The following CECR2 variants were observed in gnomAD, a reference collection of about 807,000 sequenced individuals.
CECR2 encodes the protein chromatin remodeling regulator CECR2.
A neutral mutation model predicts 154.5 loss-of-function variants in CECR2; 30 were observed. That is an observed-to-expected ratio of 0.19 (90% CI 0.15 to 0.26). The LOEUF (loss-of-function observed/expected upper bound fraction) is 0.26, where lower values mean the gene tolerates loss of function less well. CECR2 is among the 10% of genes least tolerant of loss of function. CECR2 has a pLI of 1.00. For missense variants in CECR2, 1,743 were observed against 1,829.3 expected (o/e 0.95, Z 0.86); for synonymous variants, 725 against 683.7 (o/e 1.06, Z -0.94).
intron 2 of CECR2, among the ~76,000 whole-genome samples, chr22:17,482,359 G>A (rs994021367): frequency 6.6e-6 from 1 of 152,088 alleles, no homozygotes; most frequent in African/African-American, 2.4e-5. Context: ...AGGAGGCAGA[G>A]CTTGCAGTGA....
intron 13 of CECR2, among the ~76,000 whole-genome samples, 193 bp from the exon 14 acceptor site, chr22:17,540,219 G>A (rs1018462178): frequency 4.6e-5 from 7 of 151,230 alleles, no homozygotes; most frequent in Admixed American, 3.4e-4. Flanking sequence ...TCTTCATCTT[G>A]CATCCATAGC....
chr22:17,525,536 G>A (rs1264003089), intron 9 of CECR2, among the ~76,000 whole-genome samples: 3 of 152,046 alleles, frequency 2.0e-5, no homozygotes, highest in Admixed American at 6.6e-5. Context: ...AACCCCGGAG[G>A]TGGAAGTTGC....
At chr22:17,483,424 G>A (rs1451372771) in intron 2 of CECR2, among the ~76,000 whole-genome samples, 1 of 151,826 alleles carries the variant, frequency 6.6e-6, no homozygotes, top group Non-Finnish European at 1.5e-5. Context: ...TGAATTAGCT[G>A]GGCAATATAG....
In CECR2 at chr22:17,548,982, C is replaced by G. The variant is rs199780601; in HGVS notation, c.3695C>G (p.Pro1232Arg). The G allele has an allele frequency of 1.2e-3, 1,903 of 1,614,002 alleles. 7 individuals carry two copies. The highest frequency in any genetic ancestry group is 1.1e-3 in the South Asian group (97 of 91,084). Residue 1232 changes from proline (P) to arginine (R), a missense_variant, in exon 17 of 19, where the codon CCA (proline) becomes CGA (arginine). By Grantham distance (103) the Pro-to-Arg change is moderately radical. Coordinates refer to ENST00000262608, the MANE Select transcript of CECR2 (RefSeq NM_001290047.2). ...GGACCCCCAGCCAGTCAGCCTCCCC[C>G]ACCAAGGTCCCTCTTCTCAGATAAG... ...PSGPPASQPP[P>R]PRSLFSDKNA... is the part of the protein sequence containing the mutation.
At chr22:17,405,559 G>A (rs896310421) in intron 1 of CECR2, among the ~76,000 whole-genome samples, 2 of 146,094 alleles carry the variant, frequency 1.4e-5, no homozygotes, top group Non-Finnish European at 3.0e-5. Flanking sequence ...AGAATCGCTT[G>A]AACCTAGGAG....
intron 8 of CECR2, among the ~76,000 whole-genome samples, chr22:17,517,943 C>T (rs2056087761): frequency 1.3e-5 from 2 of 152,200 alleles, no homozygotes; most frequent in Non-Finnish European, 2.9e-5. Context: ...TTCACTCAGT[C>T]ACTGTTGCAG....
Position 17,524,220 on chromosome 22 carries a change from C to G in CECR2, c.1057C>G (p.Leu353Val), listed in dbSNP as rs771704119. Reference protein sequence around the residue: ...AVQKKEQEQMLKEERKRELEE... With the variant: ...AVQKKEQEQMVKEERKRELEE... ...GCAGAAGAAGGAGCAGGAGCAGATG[C>G]TAAAGGAAGAGAGGAAACGCGAGTT... is the stretch of plus-strand genomic sequence containing the variant. The change falls in exon 9 of 19, where the codon CTA (leucine) becomes GTA (valine). Residue 353 changes from leucine (L) to valine (V), a missense_variant. Around this residue, in one of 4 missense-constraint regions of CECR2, gnomAD observed 292 missense variants for 301.2 expected, o/e 0.97. Transcript: ENST00000262608. The G allele has an allele frequency of 9.9e-6, 16 of 1,609,674 alleles. No individual in the cohort carries two copies. The highest frequency in any genetic ancestry group is 1.4e-5 in the Non-Finnish European group (16 of 1,178,308).
chr22:17,500,821 C>A (rs1158620363), intron 5 of CECR2, 86 bp downstream of exon 5: 2 of 950,128 alleles, frequency 2.1e-6, no homozygotes, highest in Non-Finnish European at 1.6e-6. Context: ...TTTGCCTGTG[C>A]CATGGGAAGC....
At chr22:17,480,432 AC>A (rs2055288074) in intron 2 of CECR2, among the ~76,000 whole-genome samples, 1 of 141,444 alleles carries the variant, frequency 7.1e-6, no homozygotes, top group Non-Finnish European at 1.6e-5. Context: ...ACACACACAC[AC>A]ACACACACAC....
At chr22:17,502,292 C>CAA (rs1244614934) in intron 5 of CECR2, among the ~76,000 whole-genome samples, 2 of 152,172 alleles carry the variant, frequency 1.3e-5, no homozygotes, top group African/African-American at 4.8e-5. Context: ...TGCTCTTAAC[C>CAA]CTCTGCCTTA....
intron 1 of CECR2, among the ~76,000 whole-genome samples, chr22:17,473,195 C>T (rs2055156552): frequency 6.6e-6 from 1 of 152,170 alleles, no homozygotes; most frequent in South Asian, 2.1e-4. Context: ...AACTGGTCTC[C>T]CTGCCCTATG....
At chr22:17,462,837 G>A (rs1334295668) in intron 1 of CECR2, among the ~76,000 whole-genome samples, 1 of 152,066 alleles carries the variant, frequency 6.6e-6, no homozygotes, top group African/African-American at 2.4e-5. Flanking sequence ...GCTTGAACCT[G>A]GGAGGTGGAG....
chr22:17,414,456 C>CTTT (rs1189863394), intron 1 of CECR2, among the ~76,000 whole-genome samples: 2 of 118,140 alleles, frequency 1.7e-5, no homozygotes, highest in Admixed American at 8.3e-5. Context: ...TTTCTTTTTT[C>CTTT]TTTTTTTTTT....
chr22:17,449,970 G>A (rs995834365), intron 1 of CECR2, among the ~76,000 whole-genome samples: 2 of 152,188 alleles, frequency 1.3e-5, no homozygotes, highest in African/African-American at 4.8e-5. Flanking sequence ...GGTTCCTTGA[G>A]GACAAGGATC....
intron 1 of CECR2, among the ~76,000 whole-genome samples, chr22:17,415,039 G>GT (rs1264518374): frequency 6.6e-5 from 10 of 152,180 alleles, no homozygotes; most frequent in African/African-American, 2.4e-4. Context: ...GGGCATAGGA[G>GT]TATGTGTAAG....
At position 17,542,489 on chromosome 22, in the gene CECR2, C is replaced by T; in HGVS notation, c.2346C>T (p.Asn782=). ...GGAATGGGAACCATGGTGCTACGAA[C>T]CAAGGACCCTTGGGCCCAGATGAGA... ...AVWNGNHGAT[N]QGPLGPDEKP... is the part of the protein sequence containing the mutation. The change falls in exon 16 of 19, where the codon AAC becomes AAT. Residue 782 remains asparagine, a synonymous_variant. Coordinates refer to ENST00000262608, the MANE Select transcript of CECR2 (RefSeq NM_001290047.2). 1 of 1,613,984 alleles carries T rather than the reference C, an allele frequency of 6.2e-7. No individual in the cohort carries two copies. Among genetic ancestry groups the T allele is most frequent in the Non-Finnish European group, 8.5e-7 (1 of 1,179,872 alleles).
intron 8 of CECR2, among the ~76,000 whole-genome samples, chr22:17,512,157 T>C (rs1375172395): frequency 3.9e-5 from 6 of 152,038 alleles, no homozygotes; most frequent in Non-Finnish European, 8.8e-5. Flanking sequence ...AATAGGTGCA[T>C]GTATAGGAGC....
chr22:17,403,203 C>G (rs1465708449), intron 1 of CECR2, among the ~76,000 whole-genome samples: 1 of 152,178 alleles, frequency 6.6e-6, no homozygotes, highest in Admixed American at 6.5e-5. Context: ...CAAATTATTT[C>G]AAGCTTTGGC....
At chr22:17,414,555 G>T (rs1055688859) in intron 1 of CECR2, among the ~76,000 whole-genome samples, 1 of 139,628 alleles carries the variant, frequency 7.2e-6, no homozygotes, top group Non-Finnish European at 1.5e-5. Context: ...TAGGGTACAT[G>T]TGCACAACGT....
Sources: allele counts gnomAD v4.1 joint callset (sites outside exome capture counted in the v4.1 genomes callset), GRCh38; gene constraint gnomAD v4.1.1; regional missense constraint gnomAD v4.1.1; transcripts MANE v1.5; gene names NCBI Gene and HGNC (gene_info 2026-07-23, HGNC 2026-07-21).